PDGFD: variants seen among roughly 807,000 people sequenced by gnomAD.
PDGFD encodes platelet-derived growth factor D.
PDGFD carries 30 observed loss-of-function variants against 44.7 expected under a neutral mutation model. The ratio of observed to expected loss-of-function variants is 0.67; its 90% CI spans 0.50 to 0.91. The LOEUF (loss-of-function observed/expected upper bound fraction) is 0.91. PDGFD is among the 40% of genes least tolerant of loss of function. The probability of loss-of-function intolerance (pLI) is 0.00; values close to 1 mark genes in which losing one functional copy is unlikely to be tolerated. For missense variants in PDGFD, 445 were observed against 457.8 expected, an observed-to-expected ratio of 0.97 and a Z score of 0.25; for synonymous variants, 173 against 168.4, an observed-to-expected ratio of 1.03 and a Z score of -0.21.
At chr11:103,917,868 G>T (rs1325726991) in intron 6 of PDGFD, among the ~76,000 whole-genome samples, 1 of 152,152 alleles carries the variant, frequency 6.6e-6, no homozygotes, top group African/African-American at 2.4e-5. Context: ...GTGATGCTTT[G>T]CTTGAACTTT....
At chr11:103,912,903 T>C (rs1308154298) in intron 6 of PDGFD, among the ~76,000 whole-genome samples, 1 of 151,990 alleles carries the variant, frequency 6.6e-6, no homozygotes, top group African/African-American at 2.4e-5. Context: ...TACATAATGG[T>C]AAAGGCATCA....
At chr11:104,114,519 G>T (rs981357362) in intron 1 of PDGFD, among the ~76,000 whole-genome samples, 7 of 151,930 alleles carry the variant, frequency 4.6e-5, no homozygotes, top group Non-Finnish European at 7.4e-5. Context: ...TCTTTAAGTT[G>T]GGTAGTGTCA....
intron 1 of PDGFD, among the ~76,000 whole-genome samples, chr11:104,107,812 T>G (rs11226159): frequency 0.24 from 36,603 of 152,020 alleles, 4,789 homozygotes; most frequent in Middle Eastern, 0.49. Flanking sequence ...GAGGGTTCAG[T>G]GACAGAATAC....
At chr11:104,085,518 C>A (rs1260412840) in intron 1 of PDGFD, among the ~76,000 whole-genome samples, 1 of 152,048 alleles carries the variant, frequency 6.6e-6, no homozygotes, top group Non-Finnish European at 1.5e-5. Flanking sequence ...CAAGTCGCTT[C>A]TGTTTAAATG....
At chr11:104,022,024 T>C (rs757632989) in intron 1 of PDGFD, among the ~76,000 whole-genome samples, 1 of 152,126 alleles carries the variant, frequency 6.6e-6, no homozygotes, top group Non-Finnish European at 1.5e-5. Flanking sequence ...TCTACCCCAG[T>C]TAATGTAGCA....
chr11:104,011,809 A>C (rs1265551618), intron 1 of PDGFD, among the ~76,000 whole-genome samples: 1 of 152,148 alleles, frequency 6.6e-6, no homozygotes, highest in African/African-American at 2.4e-5. Context: ...ATGAAAATGT[A>C]AATATACTAA....
chr11:104,034,601 G>A (rs914490050), intron 1 of PDGFD, among the ~76,000 whole-genome samples: 6 of 151,854 alleles, frequency 4.0e-5, no homozygotes, highest in African/African-American at 1.2e-4. Context: ...GTACACCTGG[G>A]AGTACCAAGC....
chr11:104,048,078 T>C (rs908329304), intron 1 of PDGFD, among the ~76,000 whole-genome samples: 1 of 152,142 alleles, frequency 6.6e-6, no homozygotes, highest in Non-Finnish European at 1.5e-5. Context: ...TAACATCTCA[T>C]CAATGACAAG....
At chr11:104,102,862 G>C (rs1861413206) in intron 1 of PDGFD, among the ~76,000 whole-genome samples, 1 of 152,098 alleles carries the variant, frequency 6.6e-6, no homozygotes, top group African/African-American at 2.4e-5. Flanking sequence ...CTCAGTCATA[G>C]GTGAGAAATG....
At chr11:103,983,834 C>T (rs1361335564) in intron 3 of PDGFD, among the ~76,000 whole-genome samples, 4 of 151,366 alleles carry the variant, frequency 2.6e-5, no homozygotes, top group African/African-American at 9.7e-5. Context: ...TAGAGAGATG[C>T]AAATTAAAGC....
intron 3 of PDGFD, among the ~76,000 whole-genome samples, chr11:103,950,980 G>C (rs1053146947): frequency 4.6e-5 from 7 of 152,078 alleles, no homozygotes; most frequent in Non-Finnish European, 7.4e-5. Flanking sequence ...AAGGGACTTT[G>C]GTGCACAAGC....
At chr11:104,144,779 G>A (rs572952665) in intron 1 of PDGFD, among the ~76,000 whole-genome samples, 134 of 152,270 alleles carry the variant, frequency 8.8e-4, no homozygotes, top group Middle Eastern at 3.4e-3. Context: ...GTGATCCACT[G>A]TATGACTTCA....
chr11:103,973,231 C>A (rs1049321883), intron 3 of PDGFD, among the ~76,000 whole-genome samples: 1 of 151,334 alleles, frequency 6.6e-6, no homozygotes, highest in Admixed American at 6.6e-5. Flanking sequence ...CTCCACCTCC[C>A]GGGTTCACAA....
intron 1 of PDGFD, among the ~76,000 whole-genome samples, chr11:104,130,000 GAAAA>G (rs34312271): frequency 1.6e-5 from 2 of 128,614 alleles, no homozygotes; most frequent in African/African-American, 6.1e-5. Context: ...CAAGACCTCT[GAAAA>G]AAAAAAAAAA....
chr11:104,077,070 G>C (rs998606893), intron 1 of PDGFD, among the ~76,000 whole-genome samples: 13 of 152,142 alleles, frequency 8.5e-5, no homozygotes, highest in African/African-American at 3.1e-4. Flanking sequence ...TGAGTTTTGG[G>C]GGAGTCAAAA....
intron 1 of PDGFD, among the ~76,000 whole-genome samples, chr11:104,101,338 A>T (rs1437349247): frequency 1.3e-5 from 2 of 152,176 alleles, no homozygotes; most frequent in Non-Finnish European, 2.9e-5. Context: ...ATCATGAGTG[A>T]ACTTCCATTG....
intron 1 of PDGFD, among the ~76,000 whole-genome samples, chr11:104,114,702 G>A (rs1029096437): frequency 1.3e-5 from 2 of 151,832 alleles, no homozygotes; most frequent in Non-Finnish European, 2.9e-5. Context: ...CTAATATATT[G>A]ACAATATTGA....
intron 1 of PDGFD, among the ~76,000 whole-genome samples, chr11:104,006,418 T>C (rs1367595732): frequency 6.6e-6 from 1 of 152,244 alleles, no homozygotes; most frequent in Non-Finnish European, 1.5e-5. Flanking sequence ...TTTCATTTTG[T>C]GTCCTTGACT....
At chr11:104,158,475 T>C (rs1157221536) in intron 1 of PDGFD, among the ~76,000 whole-genome samples, 1 of 152,246 alleles carries the variant, frequency 6.6e-6, no homozygotes, top group Non-Finnish European at 1.5e-5. Flanking sequence ...GTGTGTTTCA[T>C]TCATATTGTG....
Sources: allele counts gnomAD v4.1 joint callset (sites outside exome capture counted in the v4.1 genomes callset), GRCh38; gene constraint gnomAD v4.1.1; transcripts MANE v1.5; gene names NCBI Gene and HGNC (gene_info 2026-07-23, HGNC 2026-07-21).